The following EIF2B3 variants were observed in gnomAD, a reference collection of about 807,000 sequenced individuals.
The protein encoded by EIF2B3 is eukaryotic translation initiation factor 2B subunit gamma.
Under a neutral mutation model 54.1 loss-of-function variants are expected in EIF2B3, and 20 were observed. That is an observed-to-expected ratio of 0.37 (90% confidence interval 0.26 to 0.54). The LOEUF (loss-of-function observed/expected upper bound fraction) is 0.54, where lower values mean the gene tolerates loss of function less well. Ranked by LOEUF, EIF2B3 falls within the 20% of genes least tolerant of loss-of-function variation. The pLI is 0.86. For synonymous variants in EIF2B3, 153 were observed against 188.1 expected, an observed-to-expected ratio of 0.81 and a Z score of 1.52; for missense variants, 448 against 547.8, an observed-to-expected ratio of 0.82 and a Z score of 1.82.
chr1:44,881,773 T>G lies in EIF2B3; in HGVS notation c.657-34A>C. The G allele has an allele frequency of 6.2e-7, 1 of 1,612,448 alleles. No homozygotes were observed. Among genetic ancestry groups the G allele is most frequent in the Non-Finnish European group, 8.5e-7 (1 of 1,179,082 alleles). On this transcript the variant is annotated intron_variant, in intron 6 of 11. Transcript: ENST00000360403. The surrounding 1 kb of genome is among the most constrained non-coding windows in gnomAD (Gnocchi z 4.0). ...AAAGAATGGCCAAATATGAGAAACC[T>G]GACTGTCTGGAACATACCCGGATCA...
chr1:44,985,539 C>A lies in EIF2B3; in HGVS notation c.-10+954G>T, dbSNP rs560944975. Among the ~76,000 whole-genome samples the A allele has an allele frequency of 6.6e-5, 10 of 152,228 alleles. No homozygotes were observed. In the South Asian group the frequency reaches 2.1e-3, roughly 32 times the overall value. On this transcript the variant is annotated intron_variant, in intron 1 of 11. Transcript: ENST00000360403. ...TCATCACTGTATTCCCAGTCAGATG[C>A]CAGAAATCAAAGTGGAATGAGGACC...
chr1:44,896,312 A>G (rs1327878942), intron 6 of EIF2B3, among the ~76,000 whole-genome samples: 1 of 152,216 alleles, frequency 6.6e-6, no homozygotes, highest in Non-Finnish European at 1.5e-5. Flanking sequence ...CTAAAAGTCC[A>G]AATGATTTGT....
chr1:44,940,809 A>G (rs999470802), intron 4 of EIF2B3: 1 of 152,382 alleles, frequency 6.6e-6, no homozygotes, highest in African/African-American at 2.4e-5. Flanking sequence ...AGAAACAACT[A>G]TCACATTTAT....
chr1:44,865,923 T>A (rs1395450443), intron 10 of EIF2B3, among the ~76,000 whole-genome samples: 1 of 152,104 alleles, frequency 6.6e-6, no homozygotes, highest in Non-Finnish European at 1.5e-5. Flanking sequence ...TCCCTCTCTA[T>A]AATCATGTAC....
In EIF2B3 at chr1:44,857,758, C is replaced by A. The variant is rs553737269; in HGVS notation, c.1252G>T (p.Gly418Cys). ...ATCAAGCAGTCCTTGATGTCTGCAC[C>A]CTTCTCGATCACAGCATTGTTGCAG... ...VICNNAVIEK[G>C]ADIKDCLIGS... Residue 418 changes from glycine (G) to cysteine (C), a missense_variant, in exon 11 of 12, where the codon GGT becomes TGT. Physicochemically the swap from Gly to Cys is radical, Grantham distance 159. Transcript: ENST00000360403. 3.7e-6 allele frequency: 6 copies of A among 1,614,116 alleles called. No individual in the cohort carries two copies.
chr1:44,861,058 C>T (rs1654597282), intron 10 of EIF2B3, among the ~76,000 whole-genome samples: 1 of 152,138 alleles, frequency 6.6e-6, no homozygotes, highest in African/African-American at 2.4e-5. Flanking sequence ...AGCAAAAGGC[C>T]AAAACCACAG....
intron 3 of EIF2B3, among the ~76,000 whole-genome samples, chr1:44,948,797 AT>A (rs1258229744): frequency 1.6e-4 from 24 of 151,922 alleles, no homozygotes; most frequent in African/African-American, 5.6e-4. Context: ...CACCTACCTA[AT>A]TCAGTCTTCT....
At chr1:44,855,204 C>G (rs541689563) in intron 11 of EIF2B3, among the ~76,000 whole-genome samples, 1 of 151,838 alleles carries the variant, frequency 6.6e-6, no homozygotes, top group Non-Finnish European at 1.5e-5. Context: ...CAGCAGAGGA[C>G]AGAGAGAAGG....
At chr1:44,963,797 T>C (rs1387003016) in intron 3 of EIF2B3, among the ~76,000 whole-genome samples, 2 of 152,238 alleles carry the variant, frequency 1.3e-5, no homozygotes, top group Non-Finnish European at 2.9e-5. Context: ...GGCTGCTTAT[T>C]ATCCAATGAT....
At position 44,868,986 on chromosome 1, in the gene EIF2B3, T is replaced by C. The variant is rs910528815; in HGVS notation, c.1202+5692A>G. Among the ~76,000 whole-genome samples the C allele has an allele frequency of 3.9e-5, 6 of 152,186 alleles. No homozygotes were observed. The South Asian group carries it at 1.0e-3, about 26-fold the overall frequency. On this transcript the variant is annotated intron_variant, in intron 10 of 11. Transcript: ENST00000360403. ...CAGACTCAGTGCTGGAGCCAGACCATGAGGAATCATGAAGTTCCAATTTCT... is the reference window on the plus strand; with the variant it reads ...CAGACTCAGTGCTGGAGCCAGACCACGAGGAATCATGAAGTTCCAATTTCT...
In EIF2B3 at chr1:44,881,792, C is replaced by T. The variant is rs148982753; in HGVS notation, c.657-53G>A. On this transcript the variant is annotated intron_variant, in intron 6 of 11. Coordinates refer to ENST00000360403, the MANE Select transcript of EIF2B3 (RefSeq NM_020365.5). The surrounding 1 kb of genome is among the most constrained non-coding windows in gnomAD (Gnocchi z 4.0). ...GAAACCTGACTGTCTGGAACATACC[C>T]GGATCAAAAGCTCTGTGCATACAAG... 1.4e-4 allele frequency: 225 copies of T among 1,607,264 alleles called. No individual in the cohort carries two copies. The highest frequency in any genetic ancestry group is 1.5e-4 in the Non-Finnish European group (180 of 1,176,116).
intron 2 of EIF2B3, among the ~76,000 whole-genome samples, chr1:44,978,735 C>T (rs1387814900): frequency 6.9e-6 from 1 of 144,036 alleles, no homozygotes; most frequent in Non-Finnish European, 1.5e-5. Context: ...CTCCCAAGAT[C>T]AGGCAATCCT....
At chr1:44,855,348 AGTTTATG>A (rs1654402853) in intron 11 of EIF2B3, among the ~76,000 whole-genome samples, 4 of 152,126 alleles carry the variant, frequency 2.6e-5, no homozygotes, top group Admixed American at 1.3e-4. Flanking sequence ...AAAGCCCAGG[AGTTTATG>A]AAGCCCATCT....
At position 44,943,417 on chromosome 1, in the gene EIF2B3, T is replaced by TATCTAC. The variant is rs1261911845; in HGVS notation, c.295-1753_295-1752insGTAGAT. 5.1e-3 allele frequency among the ~76,000 whole-genome samples: 710 copies of TATCTAC among 138,158 alleles called. 4 individuals are homozygous for TATCTAC. Among genetic ancestry groups the TATCTAC allele is most frequent in the Non-Finnish European group, 7.4e-3 (475 of 64,220 alleles). 90.6% of individuals were successfully genotyped at this position (138,158 alleles called of 152,430 possible). A position where few individuals can be genotyped will look rare whatever the true frequency, so the allele number is the denominator to read the frequency against. ...ATATCTATATCTATATCTATATCTATATCTAAATTTTTGTTTTTTTGAGAC... is the reference window on the plus strand; with the variant it reads ...ATATCTATATCTATATCTATATCTATATCTACATCTAAATTTTTGTTTTTTTGAGAC... On this transcript the variant is annotated intron_variant, in intron 3 of 11. Coordinates refer to ENST00000360403, the MANE Select transcript of EIF2B3 (RefSeq NM_020365.5).
At chr1:44,892,711 A>C (rs1569639565) in intron 6 of EIF2B3, among the ~76,000 whole-genome samples, 1 of 152,236 alleles carries the variant, frequency 6.6e-6, no homozygotes, top group East Asian at 1.9e-4. Context: ...TAGGAAGTTC[A>C]AAGGAGACTA....
At chr1:44,875,513 G>T (rs1380661303) in intron 9 of EIF2B3, 105 bp downstream of exon 9, 1 of 1,024,544 alleles carries the variant, frequency 9.8e-7, no homozygotes, top group Non-Finnish European at 1.5e-6. Flanking sequence ...TTTCCCTGGG[G>T]CTGATGAGGT....
At chr1:44,862,392 A>G (rs898082084) in intron 10 of EIF2B3, among the ~76,000 whole-genome samples, 1 of 152,174 alleles carries the variant, frequency 6.6e-6, no homozygotes, top group African/African-American at 2.4e-5. Flanking sequence ...GGCCATGAGA[A>G]AAACAGAGTA....
At chr1:44,984,226 C>T (rs1206016206) in intron 1 of EIF2B3, among the ~76,000 whole-genome samples, 1 of 151,940 alleles carries the variant, frequency 6.6e-6, no homozygotes, top group Non-Finnish European at 1.5e-5. Flanking sequence ...GCGCCAGGCA[C>T]AGTGGCTCAT....
At chr1:44,851,108 A>G in intron 11 of EIF2B3, 105 bp from the exon 12 acceptor site, 1 of 1,115,908 alleles carries the variant, frequency 9.0e-7, no homozygotes, top group Non-Finnish European at 1.3e-6. Flanking sequence ...CTTGTCACCC[A>G]GGCTGGAGTG....
Sources: allele counts gnomAD v4.1 joint callset (sites outside exome capture counted in the v4.1 genomes callset), GRCh38; gene constraint gnomAD v4.1.1; non-coding constraint Gnocchi (gnomAD v3.1); transcripts MANE v1.5; gene names NCBI Gene and HGNC (gene_info 2026-07-23, HGNC 2026-07-21).